Variants in CADM2 observed in about 807,000 individuals in gnomAD.
CADM2 encodes cell adhesion molecule 2, also known as immunoglobulin superfamily member 4D.
CADM2 carries 12 observed loss-of-function variants against 49.8 expected under a neutral mutation model. That is an observed-to-expected ratio of 0.24 (90% CI 0.15 to 0.39). The LOEUF (loss-of-function observed/expected upper bound fraction) is 0.39, where lower values mean the gene tolerates loss of function less well. Ranked by LOEUF, CADM2 falls within the 10% of genes least tolerant of loss-of-function variation. The pLI is 1.00. For missense variants in CADM2, 378 were observed against 492.3 expected (o/e 0.77, Z 2.20); for synonymous variants, 214 against 175.4 (o/e 1.22, Z -1.74).
chr3:85,747,408 G>A (rs1294359530), intron 2 of CADM2, among the ~76,000 whole-genome samples: 9 of 151,974 alleles, frequency 5.9e-5, no homozygotes, highest in Admixed American at 3.3e-4. Flanking sequence ...TTCCTTGTAT[G>A]TTTGTATATT....
chr3:85,130,856 C>T (rs2039204236), intron 1 of CADM2, among the ~76,000 whole-genome samples: 1 of 152,096 alleles, frequency 6.6e-6, no homozygotes, highest in Non-Finnish European at 1.5e-5. Context: ...TCATAATTTT[C>T]ATAAGCAGTT....
At chr3:85,350,526 C>A (rs1256786791) in intron 1 of CADM2, among the ~76,000 whole-genome samples, 2 of 152,090 alleles carry the variant, frequency 1.3e-5, no homozygotes, top group African/African-American at 4.8e-5. Flanking sequence ...TTTTCCTATT[C>A]CAAATACTAA....
At chr3:85,926,298 A>T (rs1288911442) in intron 6 of CADM2, among the ~76,000 whole-genome samples, 1 of 151,902 alleles carries the variant, frequency 6.6e-6, no homozygotes, top group African/African-American at 2.4e-5. Flanking sequence ...GTGCTGTGGG[A>T]TGTTTAGCAG....
intron 3 of CADM2, among the ~76,000 whole-genome samples, chr3:85,833,648 T>C (rs989941474): frequency 1.3e-5 from 2 of 151,652 alleles, no homozygotes; most frequent in African/African-American, 4.8e-5. Flanking sequence ...CTTTTCCCCA[T>C]TGTGTATTCT....
At chr3:85,877,705 G>GT (rs1445330761) in intron 3 of CADM2, among the ~76,000 whole-genome samples, 5 of 64,154 alleles carry the variant, frequency 7.8e-5, no homozygotes, top group African/African-American at 2.2e-4. Context: ...TTTTTTTTTG[G>GT]TTTTTTTGTG....
intron 2 of CADM2, among the ~76,000 whole-genome samples, chr3:85,801,648 A>G (rs1267787460): frequency 6.6e-6 from 1 of 152,138 alleles, no homozygotes; most frequent in East Asian, 1.9e-4. Flanking sequence ...GAAATATTTT[A>G]TGTTTCCTCT....
At chr3:85,203,992 C>A (rs970244747) in intron 1 of CADM2, among the ~76,000 whole-genome samples, 2 of 152,094 alleles carry the variant, frequency 1.3e-5, no homozygotes, top group African/African-American at 4.8e-5. Context: ...GATACTTTCA[C>A]TGAAATTTAG....
intron 1 of CADM2, among the ~76,000 whole-genome samples, chr3:85,178,788 TCTACTTAAACCTCAGGTTTAAGTAGA>T (rs1400909392): frequency 1.3e-5 from 2 of 151,558 alleles, no homozygotes; most frequent in Non-Finnish European, 3.0e-5. Flanking sequence ...AATACGTGAG[TCTACTTAAACCTCAGGTTTAAGTAGA>T]CTGAGTACGT....
intron 1 of CADM2, among the ~76,000 whole-genome samples, chr3:85,529,352 A>G (rs965811256): frequency 1.3e-5 from 2 of 152,172 alleles, no homozygotes; most frequent in Non-Finnish European, 2.9e-5. Context: ...GAAATAATTA[A>G]GCAGTAGGTA....
At chr3:85,323,150 T>G (rs2044660983) in intron 1 of CADM2, among the ~76,000 whole-genome samples, 1 of 152,176 alleles carries the variant, frequency 6.6e-6, no homozygotes, top group Non-Finnish European at 1.5e-5. Flanking sequence ...AATTGTTGTG[T>G]TCATTTCCTC....
intron 1 of CADM2, among the ~76,000 whole-genome samples, chr3:85,050,994 G>A (rs1408643981): frequency 6.6e-6 from 1 of 152,156 alleles, no homozygotes; most frequent in Non-Finnish European, 1.5e-5. Flanking sequence ...TGAAAAGCCT[G>A]CCAGCCTGCT....
chr3:85,567,751 G>C (rs1277956659), intron 1 of CADM2, among the ~76,000 whole-genome samples: 1 of 152,204 alleles, frequency 6.6e-6, no homozygotes, highest in African/African-American at 2.4e-5. Flanking sequence ...CCATCTGCAA[G>C]CTCAAGAAAC....
chr3:85,635,899 A>G (rs1321591145), intron 1 of CADM2, among the ~76,000 whole-genome samples: 2 of 152,154 alleles, frequency 1.3e-5, no homozygotes, highest in Admixed American at 6.5e-5. Context: ...ATTGCTCCGT[A>G]GTGTTGCAGC....
At chr3:86,045,809 C>G (rs1413125985) in intron 8 of CADM2, among the ~76,000 whole-genome samples, 1 of 152,088 alleles carries the variant, frequency 6.6e-6, no homozygotes, top group Non-Finnish European at 1.5e-5. Flanking sequence ...TTTATATAGG[C>G]TAGTCTATTA....
intron 3 of CADM2, among the ~76,000 whole-genome samples, chr3:85,855,274 G>C (rs1166860924): frequency 6.6e-6 from 1 of 152,038 alleles, no homozygotes; most frequent in Non-Finnish European, 1.5e-5. Flanking sequence ...CCTTTGGTCT[G>C]TCTCCTCACC....
rs1007861712 is a variant in CADM2 at position 85,855,657 on chromosome 3, C to T, written c.239-27634C>T. Among the ~76,000 whole-genome samples, 18 of 133,930 alleles carry T rather than the reference C, an allele frequency of 1.3e-4. No homozygotes were observed. In the South Asian group the frequency reaches 1.6e-3, roughly 12 times the overall value. The allele number at this position is 133,930 out of a possible 152,430, so 87.9% of individuals were successfully genotyped here. A position where few individuals can be genotyped will look rare whatever the true frequency, so the allele number is the denominator to read the frequency against. On this transcript the variant is annotated intron_variant, in intron 3 of 9. Coordinates refer to ENST00000383699, the MANE Select transcript of CADM2 (RefSeq NM_001167675.2). ...ATATATATATTTTGAGACGGAGTTT[C>T]GCACTGTTGCCTAGGCTGGAGTGCA...
chr3:86,063,811 T>G (rs148037521), intron 8 of CADM2, among the ~76,000 whole-genome samples: 380 of 152,278 alleles, frequency 2.5e-3, no homozygotes, highest in African/African-American at 7.8e-3. Flanking sequence ...TTACTTTCAC[T>G]GTCCGTTAAA....
chr3:85,045,527 A>G (rs2035621812), intron 1 of CADM2, among the ~76,000 whole-genome samples: 1 of 152,138 alleles, frequency 6.6e-6, no homozygotes, highest in African/African-American at 2.4e-5. Context: ...TTATTTTAAT[A>G]CTACTATCTC....
At chr3:84,978,941 A>G (rs2031997540) in intron 1 of CADM2, among the ~76,000 whole-genome samples, 1 of 152,132 alleles carries the variant, frequency 6.6e-6, no homozygotes, top group South Asian at 2.1e-4. Context: ...GTGTAAATGG[A>G]AAGTACAAAA....
Sources: allele counts gnomAD v4.1 joint callset (sites outside exome capture counted in the v4.1 genomes callset), GRCh38; gene constraint gnomAD v4.1.1; transcripts MANE v1.5; gene names NCBI Gene and HGNC (gene_info 2026-07-23, HGNC 2026-07-21).